DNAH9: variants seen among roughly 807,000 people sequenced by gnomAD.
DNAH9 encodes DNAH9 variant protein.
A neutral mutation model predicts 471.6 loss-of-function variants in DNAH9; 345 were observed. The observed-to-expected ratio is 0.73, with a 90% CI of 0.67 to 0.80. The LOEUF (loss-of-function observed/expected upper bound fraction) is 0.80. Ranked by LOEUF, DNAH9 falls within the 30% of genes least tolerant of loss-of-function variation. The pLI is 0.00. For missense variants in DNAH9, 5,407 were observed against 5,609.2 expected (o/e 0.96, Z 1.15); for synonymous variants, 2,093 against 2,123.6 (o/e 0.99, Z 0.40).
chr17:11,612,260 G>T, intron 4 of DNAH9: 1 of 234,972 alleles, frequency 4.3e-6, no homozygotes, highest in South Asian at 8.1e-5. Flanking sequence ...TACCCTTCTG[G>T]CAAGACAGCC....
At chr17:11,662,991 G>A (rs979929856) in intron 14 of DNAH9, among the ~76,000 whole-genome samples, 2 of 151,508 alleles carry the variant, frequency 1.3e-5, no homozygotes, top group Non-Finnish European at 2.9e-5. Flanking sequence ...TCCTGACCTC[G>A]TGATCCGCCC....
chr17:11,794,046 T>C (rs1372148652), intron 42 of DNAH9, among the ~76,000 whole-genome samples: 1 of 144,100 alleles, frequency 6.9e-6, no homozygotes, highest in Admixed American at 6.9e-5. Flanking sequence ...ATTTTTTTTT[T>C]TTTTTTTTTT....
chr17:11,945,248 C>A (rs964946243), intron 67 of DNAH9, among the ~76,000 whole-genome samples: 2 of 152,134 alleles, frequency 1.3e-5, no homozygotes, highest in Non-Finnish European at 2.9e-5. Flanking sequence ...GTTTAACAAT[C>A]ACTTTATGCT....
intron 29 of DNAH9, among the ~76,000 whole-genome samples, chr17:11,741,164 C>T (rs60571714): frequency 0.017 from 2,587 of 151,878 alleles, 72 homozygotes; most frequent in African/African-American, 0.06. Context: ...AAAATGTGCT[C>T]GAATGAAATG....
At chr17:11,947,772 A>AT (rs71367359) in intron 67 of DNAH9, among the ~76,000 whole-genome samples, 1,782 of 108,252 alleles carry the variant, frequency 0.016, 86 homozygotes, top group South Asian at 0.027. Context: ...GCTGGGAACT[A>AT]TTTTTTTTTT....
intron 15 of DNAH9, among the ~76,000 whole-genome samples, chr17:11,668,117 T>G (rs2073906182): frequency 6.6e-6 from 1 of 152,260 alleles, no homozygotes; most frequent in Admixed American, 6.5e-5. Flanking sequence ...CAAGGCAAGT[T>G]GACCTAGTAA....
chr17:11,905,012 T>G (rs909041530), intron 60 of DNAH9, among the ~76,000 whole-genome samples: 2 of 151,774 alleles, frequency 1.3e-5, no homozygotes, highest in African/African-American at 4.8e-5. Flanking sequence ...GGCGGGTGGA[T>G]CACAAGGTCA....
At chr17:11,816,354 C>T (rs1386192539) in intron 45 of DNAH9, among the ~76,000 whole-genome samples, 3 of 152,162 alleles carry the variant, frequency 2.0e-5, no homozygotes, top group Non-Finnish European at 4.4e-5. Context: ...ATCGTTTATA[C>T]GGTCAGCTCT....
At chr17:11,662,966 A>G (rs9914136) in intron 14 of DNAH9, among the ~76,000 whole-genome samples, 146,842 of 151,558 alleles carry the variant, frequency 0.97, 71,209 homozygotes, top group Non-Finnish European at 0.99. Flanking sequence ...CGTTTTATCC[A>G]GGATGGTCTC....
chr17:11,787,205 G>A (rs1801116607), intron 41 of DNAH9, among the ~76,000 whole-genome samples: 1 of 152,230 alleles, frequency 6.6e-6, no homozygotes, highest in Admixed American at 6.5e-5. Flanking sequence ...AAAAGTGAAA[G>A]TGATGTACAG....
In DNAH9 at chr17:11,738,906, A is replaced by C. The variant is rs1350442883; in HGVS notation, c.5841A>C (p.Arg1947Ser). ...VQVKSIQDAIRDKKQWFSFLG... is the reference protein window; with the variant it reads ...VQVKSIQDAISDKKQWFSFLG... ...TAAAAAGCATTCAAGATGCGATTAG[A>C]GATAAGAAGCAGTGGTTCAGCTTCC... Residue 1947 changes from arginine (R) to serine (S), a missense_variant, in exon 29 of 69, where the codon AGA (arginine) becomes AGC (serine). Around this residue, in one of 3 missense-constraint regions of DNAH9, gnomAD observed 4,636 missense variants for 4,900.3 expected, o/e 0.95. Transcript: ENST00000262442. 1.2e-6 allele frequency: 2 copies of C among 1,614,116 alleles called. No homozygotes were observed. Among genetic ancestry groups the C allele is most frequent in the Non-Finnish European group, 1.7e-6 (2 of 1,179,978 alleles).
At chr17:11,871,157 C>T (rs866110456) in intron 51 of DNAH9, among the ~76,000 whole-genome samples, 2 of 152,120 alleles carry the variant, frequency 1.3e-5, no homozygotes, top group African/African-American at 2.4e-5. Context: ...TCTCCTCGCC[C>T]GCTGTGAATT....
At position 11,894,565 on chromosome 17, in the gene DNAH9, A is replaced by G. The variant is rs1298986313; in HGVS notation, c.11406+69A>G. On this transcript the variant is annotated intron_variant, in intron 59 of 68. Transcript: ENST00000262442. ...GAATTTACCTCTGACACTGGTCCCC[A>G]TGAAGTCAGCAGGGCTCTCTGTTGG... The G allele has an allele frequency of 1.4e-5, 22 of 1,582,992 alleles. No homozygotes were observed. The East Asian group carries it at 3.8e-4, about 28-fold the overall frequency.
chr17:11,718,487 G>A (rs747327325), intron 26 of DNAH9, among the ~76,000 whole-genome samples: 6 of 152,212 alleles, frequency 3.9e-5, no homozygotes. Context: ...GGGAGTTGCT[G>A]AATCATATGG....
chr17:11,835,274 C>T (rs771501176), intron 49 of DNAH9, among the ~76,000 whole-genome samples: 4 of 152,210 alleles, frequency 2.6e-5, no homozygotes, highest in Non-Finnish European at 5.9e-5. Flanking sequence ...AGGGATCTTC[C>T]TGCTCCAGTA....
chr17:11,769,169 G>C lies in DNAH9; in HGVS notation c.7392G>C (p.Met2464Ile). Reference sequence around the variant, plus strand: ...AGACCATCCGTGTGTGCTACTTCATGGAGCGGTTGATGGCGCGGCAGCGGC... The same window carrying C: ...AGACCATCCGTGTGTGCTACTTCATCGAGCGGTTGATGGCGCGGCAGCGGC... ...TSETIRVCYF[M>I]ERLMARQRPV... The change falls in exon 38 of 69, where the codon ATG becomes ATC. Residue 2464 changes from methionine (M) to isoleucine (I), a missense_variant. Physicochemically the swap from Met to Ile is conservative, Grantham distance 10. Transcript: ENST00000262442. 1 of 1,614,238 alleles carries C rather than the reference G, an allele frequency of 6.2e-7. No homozygotes were observed. Among genetic ancestry groups the C allele is most frequent in the Non-Finnish European group, 8.5e-7 (1 of 1,180,044 alleles).
chr17:11,809,051 A>G (rs1260520734), intron 44 of DNAH9, among the ~76,000 whole-genome samples: 1 of 152,246 alleles, frequency 6.6e-6, no homozygotes, highest in Admixed American at 6.5e-5. Context: ...GAAAGGCAAC[A>G]TCAAGAACTG....
chr17:11,710,230 A>G lies in DNAH9; in HGVS notation c.5552+5045A>G, dbSNP rs2074805508. Reference sequence around the variant, plus strand: ...TCTAAAACACTCTAATGGCTGAATTATAGTCTATTTATAAGTATCCCATAA... The same window carrying G: ...TCTAAAACACTCTAATGGCTGAATTGTAGTCTATTTATAAGTATCCCATAA... On this transcript the variant is annotated intron_variant, in intron 26 of 68. Transcript: ENST00000262442. Among the ~76,000 whole-genome samples the G allele has an allele frequency of 3.9e-5, 6 of 152,268 alleles. No homozygotes were observed. The South Asian group carries it at 1.2e-3, about 32-fold the overall frequency.
chr17:11,800,200 A>G (rs1444214104), intron 43 of DNAH9, among the ~76,000 whole-genome samples: 1 of 151,964 alleles, frequency 6.6e-6, no homozygotes, highest in African/African-American at 2.4e-5. Flanking sequence ...ATCAAATCTA[A>G]CAGCCTATGT....
Sources: gnomAD v4.1 joint callset for allele counts (sites outside exome capture counted in the v4.1 genomes callset) on GRCh38, gnomAD v4.1.1 for gene constraint, gnomAD v4.1.1 regional missense constraint, MANE v1.5 for transcripts, NCBI Gene and HGNC (gene_info 2026-07-23, HGNC 2026-07-21) for gene names.